CD93: variants seen among roughly 807,000 people sequenced by gnomAD.
CD93 encodes the protein CD93 molecule.
A neutral mutation model predicts 45.5 loss-of-function variants in CD93; 44 were observed. The observed-to-expected ratio is 0.97, with a 90% CI of 0.76 to 1.24. The LOEUF is 1.24. CD93 is among the 50% of genes most tolerant of loss of function. CD93 has a pLI of 0.00. For synonymous variants in CD93, 431 were observed against 370.8 expected, an observed-to-expected ratio of 1.16 and a Z score of -1.87; for missense variants, 918 against 844.5, an observed-to-expected ratio of 1.09 and a Z score of -1.08.
rs1223023576 is a variant in CD93, at chr20:23,085,187, G to T, written c.1006C>A (p.Leu336Met). ...ACACAGTCCAGCTGACTCGAGTCCA[G>T]CTGGTACCCTTGGGGGCAGCGGCAC... Reference protein sequence around the residue: ...YTCRCPQGYQLDSSQLDCVDV... With the variant: ...YTCRCPQGYQMDSSQLDCVDV... Residue 336 changes from leucine to methionine, a missense_variant, in exon 1 of 2, where the codon CTG (leucine) becomes ATG (methionine). Leu to Met is a conservative substitution (Grantham distance 15, BLOSUM62 2). Transcript: ENST00000246006. The T allele has an allele frequency of 6.3e-7, 1 of 1,590,352 alleles. No homozygotes were observed. The highest frequency in any genetic ancestry group is 8.6e-7 in the Non-Finnish European group (1 of 1,167,736).
intron 1 of CD93, 25 bp from the exon 2 acceptor site, chr20:23,083,999 T>C (rs574892083): frequency 1.9e-6 from 3 of 1,613,822 alleles, no homozygotes; most frequent in East Asian, 4.5e-5. Flanking sequence ...ACAGACAGCG[T>C]TGGAAGCCAT....
chr20:23,086,213 C>T lies in CD93; in HGVS notation c.-21G>A. ...GCCATCCCGGTCTCTGTGTGGCCCTCTGCGGGAGGCGAGAAGCCCAGCGGC... is the reference window on the plus strand; with the variant it reads ...GCCATCCCGGTCTCTGTGTGGCCCTTTGCGGGAGGCGAGAAGCCCAGCGGC... On this transcript the variant is annotated 5_prime_UTR_variant, in exon 1 of 2. Transcript: ENST00000246006. 1 of 1,489,710 alleles carries T rather than the reference C, an allele frequency of 6.7e-7. No individual in the cohort carries two copies. The highest frequency in any genetic ancestry group is 1.3e-5 in the South Asian group (1 of 77,920). The allele number at this position is 1,489,710 out of a possible 1,614,324, so 92.3% of individuals were successfully genotyped here. A position where few individuals can be genotyped will look rare whatever the true frequency, so the allele number is the denominator to read the frequency against.
rs780725716 is a variant in CD93 at position 23,085,599 on chromosome 20, C to T, written c.594G>A (p.Gln198=). 4 of 1,613,600 alleles carry T rather than the reference C, an allele frequency of 2.5e-6. No individual in the cohort carries two copies. Among genetic ancestry groups the T allele is most frequent in the Non-Finnish European group, 3.4e-6 (4 of 1,179,978 alleles). ...TCTGGAAGGGGGTGGTGTAGGTCACCTGACCTGGGCCCCCCAGGGCCAGAG... is the reference window on the plus strand; with the variant it reads ...TCTGGAAGGGGGTGGTGTAGGTCACTTGACCTGGGCCCCCCAGGGCCAGAG... ...CRPLALGGPG[Q]VTYTTPFQTT... The change falls in exon 1 of 2, where the codon CAG becomes CAA. Residue 198 remains glutamine (Q), a synonymous_variant. Coordinates refer to ENST00000246006, the MANE Select transcript of CD93 (RefSeq NM_012072.4).
rs763405178 is a variant in CD93, at chr20:23,083,904, G to C, written c.*46C>G. The C allele has an allele frequency of 6.3e-7, 1 of 1,596,532 alleles. No individual in the cohort carries two copies. ...TTTGGAATGGGGAGTTCAAAGCTCT[G>C]AGGATGGTGGCTGGTGACTCTAGTG... On this transcript the variant is annotated 3_prime_UTR_variant, in exon 2 of 2. Coordinates refer to ENST00000246006, the MANE Select transcript of CD93 (RefSeq NM_012072.4).
Position 23,084,328 on chromosome 20 carries a change from T to C in CD93, c.1865A>G (p.Gln622Arg). Residue 622 changes from glutamine to arginine, a missense_variant, in exon 1 of 2, where the codon CAG becomes CGG. Physicochemically the swap from Gln to Arg is conservative, Grantham distance 43. Coordinates refer to ENST00000246006, the MANE Select transcript of CD93 (RefSeq NM_012072.4). ...CCAGGAGTAACTGTCTGCCGCATTC[T>C]GGGGCTTCTTCTCCTTCTTCTCCTC... ...KREEKKEKKP[Q>R]NAADSYSWVP... The C allele has an allele frequency of 1.2e-6, 2 of 1,614,246 alleles. No homozygotes were observed. The highest frequency in any genetic ancestry group is 1.7e-6 in the Non-Finnish European group (2 of 1,180,052).
chr20:23,083,997 C>A (rs200346711), intron 1 of CD93, 23 bp from the exon 2 acceptor site: 2 of 1,613,798 alleles, frequency 1.2e-6, no homozygotes, highest in South Asian at 2.2e-5. Flanking sequence ...AAACAGACAG[C>A]GTTGGAAGCC....
chr20:23,084,101 T>C, intron 1 of CD93, 127 bp from the exon 2 acceptor site: 2 of 1,415,378 alleles, frequency 1.4e-6, no homozygotes, highest in South Asian at 2.3e-5. Context: ...GGGGCCCGAG[T>C]GCCTGGCGTG....
chr20:23,085,287 A>G lies in CD93; in HGVS notation c.906T>C (p.Ser302=). The part of the protein sequence containing the change: ...RLLDDLVTCA[S]RNPCSSSPCR... ...ATGGGCTGGAGCTGCAAGGGTTTCG[A>G]GAGGCACAGGTCACCAGGTCATCCA... is the stretch of plus-strand genomic sequence containing the variant. Residue 302 remains serine, a synonymous_variant, in exon 1 of 2, where the codon TCT becomes TCC. Transcript: ENST00000246006. 1.9e-6 allele frequency: 3 copies of G among 1,613,944 alleles called. No individual in the cohort carries two copies. The highest frequency in any genetic ancestry group is 1.1e-5 in the South Asian group (1 of 91,088).
chr20:23,079,662 C>A lies in CD93; in HGVS notation c.*4288G>T, dbSNP rs1207766078. On this transcript the variant is annotated 3_prime_UTR_variant, in exon 2 of 2. Transcript: ENST00000246006. ...TGACATTTACAATTACATCTGACAT[C>A]ACAGAGCAAGCCTTTGCAGGGATCT... 3 of 152,356 alleles carry A rather than the reference C, an allele frequency of 2.0e-5. No individual in the cohort carries two copies. Among genetic ancestry groups the A allele is most frequent in the Admixed American group, 1.3e-4 (2 of 15,304 alleles). The allele number at this position is 152,356 out of a possible 1,614,324, so 9.4% of individuals were successfully genotyped here. A position where few individuals can be genotyped will look rare whatever the true frequency, so the allele number is the denominator to read the frequency against.
Position 23,083,779 on chromosome 20 carries a change from C to A in CD93, c.*171G>T. 1 of 671,630 alleles carries A rather than the reference C, an allele frequency of 1.5e-6. No homozygotes were observed. The highest frequency in any genetic ancestry group is 2.7e-6 in the Non-Finnish European group (1 of 367,010). The allele number at this position is 671,630 out of a possible 1,614,324, so 41.6% of individuals were successfully genotyped here. A position where few individuals can be genotyped will look rare whatever the true frequency, so the allele number is the denominator to read the frequency against. On this transcript the variant is annotated 3_prime_UTR_variant, in exon 2 of 2. Coordinates refer to ENST00000246006, the MANE Select transcript of CD93 (RefSeq NM_012072.4). ...TTCCACTTCAGGAACATCAAACACC[C>A]GTAGAAAATACCTGCATGTTCCAAG...
chr20:23,086,290 G>T lies in CD93; in HGVS notation c.-98C>A. ...GCTGGGCCCCAAGGGGAGCTGAGGG[G>T]TGAGCTGCAGCCACTCCGGCGCAGA... On this transcript the variant is annotated 5_prime_UTR_variant, in exon 1 of 2. Coordinates refer to ENST00000246006, the MANE Select transcript of CD93 (RefSeq NM_012072.4). 1 of 1,390,194 alleles carries T rather than the reference G, an allele frequency of 7.2e-7. No individual in the cohort carries two copies. Among genetic ancestry groups the T allele is most frequent in the Non-Finnish European group, 9.5e-7 (1 of 1,057,464 alleles). The allele number at this position is 1,390,194 out of a possible 1,614,324, so 86.1% of individuals were successfully genotyped here.
Position 23,081,536 on chromosome 20 carries a change from TG to T in CD93, c.*2413del, listed in dbSNP as rs1331160572. Reference sequence around the variant, plus strand: ...AACCTGAGCTGTCTGGTTGGGTTGCTGGCTCTCCCCCCGTGGTGGGAGTGGT... The same window carrying T: ...AACCTGAGCTGTCTGGTTGGGTTGCTGCTCTCCCCCCGTGGTGGGAGTGGT... On this transcript the variant is annotated 3_prime_UTR_variant, in exon 2 of 2. Coordinates refer to ENST00000246006, the MANE Select transcript of CD93 (RefSeq NM_012072.4). 1 of 152,276 alleles carries T rather than the reference TG, an allele frequency of 6.6e-6. No individual in the cohort carries two copies. Among genetic ancestry groups the T allele is most frequent in the Non-Finnish European group, 1.5e-5 (1 of 68,056 alleles). 9.4% of individuals were successfully genotyped at this position (152,276 alleles called of 1,614,324 possible).
Position 23,081,719 on chromosome 20 carries a change from C to G in CD93, c.*2231G>C, listed in dbSNP as rs148793528. On this transcript the variant is annotated 3_prime_UTR_variant, in exon 2 of 2. Transcript: ENST00000246006. The stretch of plus-strand genomic sequence containing the variant: ...TGAGAACAGGGCTGCATTCAGAGAA[C>G]AGACGATGGGCCTGGGCTGTGAGAG... 6.6e-6 allele frequency: 1 copy of G among 152,334 alleles called. No individual in the cohort carries two copies. Among genetic ancestry groups the G allele is most frequent in the Non-Finnish European group, 1.5e-5 (1 of 68,070 alleles). The allele number at this position is 152,334 out of a possible 1,614,324, so 9.4% of individuals were successfully genotyped here.
chr20:23,085,699 C>A lies in CD93; in HGVS notation c.494G>T (p.Cys165Phe). 1 of 1,611,080 alleles carries A rather than the reference C, an allele frequency of 6.2e-7. No individual in the cohort carries two copies. The highest frequency in any genetic ancestry group is 8.5e-7 in the Non-Finnish European group (1 of 1,179,584). The change falls in exon 1 of 2, where the codon TGT (cysteine) becomes TTT (phenylalanine). Residue 165 changes from cysteine to phenylalanine, a missense_variant. Physicochemically the swap from Cys to Phe is radical, Grantham distance 205. Coordinates refer to ENST00000246006, the MANE Select transcript of CD93 (RefSeq NM_012072.4). ...SRLPKWSEGPCGSPGSPGSNI... is the reference protein window; with the variant it reads ...SRLPKWSEGPFGSPGSPGSNI... The stretch of plus-strand genomic sequence containing the variant: ...ACTTCCGGGGGAGCCTGGGCTCCCA[C>A]AGGGGCCCTCAGACCACTTGGGGAG...
Position 23,085,663 on chromosome 20 carries a change from C to T in CD93, c.530G>A (p.Gly177Asp). 1 of 1,611,234 alleles carries T rather than the reference C, an allele frequency of 6.2e-7. No homozygotes were observed. Among genetic ancestry groups the T allele is most frequent in the Non-Finnish European group, 8.5e-7 (1 of 1,179,230 alleles). The change falls in exon 1 of 2, where the codon GGC becomes GAC. Residue 177 changes from glycine (G) to aspartate (D), a missense_variant. By Grantham distance (94) the Gly-to-Asp change is moderately conservative. Coordinates refer to ENST00000246006, the MANE Select transcript of CD93 (RefSeq NM_012072.4). Reference protein sequence around the residue: ...SPGSPGSNIEGFVCKFSFKGM... With the variant: ...SPGSPGSNIEDFVCKFSFKGM... ...TTTGAAGCTGAACTTGCACACGAAGCCCTCAATGTTACTTCCGGGGGAGCC... is the reference window on the plus strand; with the variant it reads ...TTTGAAGCTGAACTTGCACACGAAGTCCTCAATGTTACTTCCGGGGGAGCC...
chr20:23,085,015 C>T lies in CD93; in HGVS notation c.1178G>A (p.Arg393His), dbSNP rs377684251. The T allele has an allele frequency of 6.2e-6, 10 of 1,613,826 alleles. No individual in the cohort carries two copies. The highest frequency in any genetic ancestry group is 4.4e-5 in the South Asian group (4 of 91,090). The change falls in exon 1 of 2, where the codon CGC (arginine) becomes CAC (histidine). Residue 393 changes from arginine (R) to histidine (H), a missense_variant. Transcript: ENST00000246006. ...GGTGCAGCCCTGGGCGCAAGGCGAG[C>T]GACCCAGAGCACACTCATCCACATC... ...CQDVDECALG[R>H]SPCAQGCTNT...
rs975111862 is a variant in CD93 at position 23,085,083 on chromosome 20, C to G, written c.1110G>C (p.Trp370Cys). ...NTPGGFRCECWVGYEPGGPGE... is the reference protein window; with the variant it reads ...NTPGGFRCECCVGYEPGGPGE... ...CAGGACCGCCCGGCTCATAGCCAAC[C>G]CAGCATTCGCAGCGGAAGCCCCCAG... The change falls in exon 1 of 2, where the codon TGG (tryptophan) becomes TGC (cysteine). Residue 370 changes from tryptophan (W) to cysteine (C), a missense_variant. Coordinates refer to ENST00000246006, the MANE Select transcript of CD93 (RefSeq NM_012072.4). The G allele has an allele frequency of 1.9e-6, 3 of 1,610,112 alleles. No individual in the cohort carries two copies. The highest frequency in any genetic ancestry group is 1.3e-5 in the African/African-American group (1 of 74,856).
rs756369855 is a variant in CD93 at position 23,084,873 on chromosome 20, G to A, written c.1320C>T (p.Asp440=). 2.5e-6 allele frequency: 4 copies of A among 1,613,028 alleles called. No homozygotes were observed. In the East Asian group the frequency reaches 8.9e-5, roughly 36 times the overall value. ...ACCCTTGTGTGTTGAAGCACAAGCT[G>A]TCGCAGAGGGGGCCCCCCGGGCCCA... ...ECVGPGGPLC[D]SLCFNTQGSF... Residue 440 remains aspartate (D), a synonymous_variant, in exon 1 of 2, where the codon GAC becomes GAT. Transcript: ENST00000246006.
rs771458153 is a variant in CD93, at chr20:23,085,825, G to A, written c.368C>T (p.Thr123Met). ...GFSWVGGGED[T>M]PYSNWHKELR... Reference sequence around the variant, plus strand: ...CTCCTTGTGCCAGTTAGAGTAAGGCGTGTCCTCCCCCCCGCCCACCCAGCT... The same window carrying A: ...CTCCTTGTGCCAGTTAGAGTAAGGCATGTCCTCCCCCCCGCCCACCCAGCT... Residue 123 changes from threonine to methionine, a missense_variant, in exon 1 of 2, where the codon ACG becomes ATG. Thr to Met is a moderately conservative substitution (Grantham distance 81, BLOSUM62 -1). Coordinates refer to ENST00000246006, the MANE Select transcript of CD93 (RefSeq NM_012072.4). 82 of 1,605,152 alleles carry A rather than the reference G, an allele frequency of 5.1e-5. No individual in the cohort carries two copies. The highest frequency in any genetic ancestry group is 6.4e-5 in the Non-Finnish European group (75 of 1,176,698).
Sources: gnomAD v4.1 joint callset for allele counts on GRCh38, gnomAD v4.1.1 for gene constraint, MANE v1.5 for transcripts, NCBI Gene and HGNC (gene_info 2026-07-23, HGNC 2026-07-21) for gene names.